The following ZMIZ1 variants were observed in gnomAD, a reference collection of about 807,000 sequenced individuals.
ZMIZ1 encodes zinc finger MIZ-type containing 1.
ZMIZ1 carries 17 observed loss-of-function variants against 113.9 expected under a neutral mutation model. That is an observed-to-expected ratio of 0.15 (90% confidence interval 0.10 to 0.22). The LOEUF (loss-of-function observed/expected upper bound fraction) is 0.22, where lower values mean the gene tolerates loss of function less well. Ranked by LOEUF, ZMIZ1 falls within the 10% of genes least tolerant of loss-of-function variation. The pLI is 1.00. For missense variants in ZMIZ1, 1,059 were observed against 1,477.8 expected (o/e 0.72, Z 4.65); for synonymous variants, 607 against 603.1 (o/e 1.01, Z -0.09).
chr10:79,289,662 G>A (rs1020640364), intron 8 of ZMIZ1, 113 bp from the exon 9 acceptor site: 5 of 937,650 alleles, frequency 5.3e-6, no homozygotes, highest in African/African-American at 1.6e-5. Flanking sequence ...ACTCGGATGG[G>A]GGTTACCTTG....
At chr10:79,182,585 G>A (rs573996654) in intron 4 of ZMIZ1, among the ~76,000 whole-genome samples, 1 of 152,348 alleles carries the variant, frequency 6.6e-6, no homozygotes, top group Admixed American at 6.5e-5. Flanking sequence ...GGTGACCCCA[G>A]TGGATCCAAA....
At position 79,288,162 on chromosome 10, in the gene ZMIZ1, G is replaced by A. The variant is rs138621126; in HGVS notation, c.426-1613G>A. Among the ~76,000 whole-genome samples the A allele has an allele frequency of 1.2e-3, 181 of 152,350 alleles. 2 individuals are homozygous for A. Among genetic ancestry groups the A allele is most frequent in the Middle Eastern group, 3.4e-3 (1 of 294 alleles). ...AGGCTGGTCGCCTCTGCAGGAGCCCGTCAGACTTGACCAGCATTGCCAAGA... is the reference window on the plus strand; with the variant it reads ...AGGCTGGTCGCCTCTGCAGGAGCCCATCAGACTTGACCAGCATTGCCAAGA... On this transcript the variant is annotated intron_variant, in intron 8 of 24. Transcript: ENST00000334512.
intron 1 of ZMIZ1, among the ~76,000 whole-genome samples, chr10:79,076,957 G>A (rs1000467370): frequency 1.3e-5 from 2 of 152,160 alleles, no homozygotes; most frequent in African/African-American, 4.8e-5. Flanking sequence ...CTCCCCTCCA[G>A]CCAGCCCTCC....
Position 79,277,164 on chromosome 10 carries a change from T to C in ZMIZ1, c.281-17T>C, listed in dbSNP as rs77524869. 55,606 of 1,516,122 alleles carry C rather than the reference T, an allele frequency of 0.037. 1,130 individuals are homozygous for C. Among genetic ancestry groups the C allele is most frequent in the Middle Eastern group, 0.054 (246 of 4,578 alleles). The allele number at this position is 1,516,122 out of a possible 1,614,324, so 93.9% of individuals were successfully genotyped here. On this transcript the variant is annotated splice_polypyrimidine_tract_variant and intron_variant, in intron 7 of 24. Coordinates refer to ENST00000334512, the MANE Select transcript of ZMIZ1 (RefSeq NM_020338.4). Reference sequence around the variant, plus strand: ...ATGATGAACAAGCACCCACTGACTGTCCTGTCCTTCCTGCAGCCTTGTTGT... The same window carrying C: ...ATGATGAACAAGCACCCACTGACTGCCCTGTCCTTCCTGCAGCCTTGTTGT...
At chr10:79,258,325 A>G (rs1368657137) in intron 7 of ZMIZ1, among the ~76,000 whole-genome samples, 1 of 152,220 alleles carries the variant, frequency 6.6e-6, no homozygotes, top group Non-Finnish European at 1.5e-5. Flanking sequence ...TCGAGGCTGC[A>G]GTGAACCATG....
At chr10:79,174,914 G>A (rs1394263606) in intron 4 of ZMIZ1, among the ~76,000 whole-genome samples, 1 of 152,218 alleles carries the variant, frequency 6.6e-6, no homozygotes, top group East Asian at 1.9e-4. Flanking sequence ...AGCATCCCCA[G>A]GTGACACCTG....
At chr10:79,217,975 G>A (rs764351974) in intron 7 of ZMIZ1, among the ~76,000 whole-genome samples, 6 of 152,222 alleles carry the variant, frequency 3.9e-5, no homozygotes, top group East Asian at 1.9e-4. Flanking sequence ...TTAAGTGCCC[G>A]TTCTGTGCAG....
intron 7 of ZMIZ1, among the ~76,000 whole-genome samples, chr10:79,252,996 T>C (rs1204525306): frequency 6.6e-6 from 1 of 152,222 alleles, no homozygotes; most frequent in Non-Finnish European, 1.5e-5. Context: ...GGGTTCTCTC[T>C]GGTCCAGGCA....
chr10:79,253,883 CACACACACATGCTG>C (rs1288773183), intron 7 of ZMIZ1, among the ~76,000 whole-genome samples: 1 of 152,190 alleles, frequency 6.6e-6, no homozygotes, highest in African/African-American at 2.4e-5. Context: ...CATGCACACA[CACACACACATGCTG>C]ACACGCACAC....
Position 79,314,299 on chromosome 10 carries a change from T to C in ZMIZ1, c.*1550T>C, listed in dbSNP as rs1286214873. 2 of 455,498 alleles carry C rather than the reference T, an allele frequency of 4.4e-6. No individual in the cohort carries two copies. The highest frequency in any genetic ancestry group is 1.5e-5 in the South Asian group (1 of 64,558). The allele number at this position is 455,498 out of a possible 1,614,324, so 28.2% of individuals were successfully genotyped here. A position where few individuals can be genotyped will look rare whatever the true frequency, so the allele number is the denominator to read the frequency against. On this transcript the variant is annotated 3_prime_UTR_variant, in exon 25 of 25. Coordinates refer to ENST00000334512, the MANE Select transcript of ZMIZ1 (RefSeq NM_020338.4). The stretch of plus-strand genomic sequence containing the variant: ...TCACTGGGGTCCCATCTGTAAATTC[T>C]TTGCGCCCTTCCCGGCTGCTGCCTG...
chr10:79,083,855 C>G (rs1842731525), intron 1 of ZMIZ1, among the ~76,000 whole-genome samples: 1 of 152,192 alleles, frequency 6.6e-6, no homozygotes, highest in Non-Finnish European at 1.5e-5. Flanking sequence ...GAGTCTGAGC[C>G]CTTCTCCTTT....
At chr10:79,163,442 G>A (rs943843644) in intron 4 of ZMIZ1, among the ~76,000 whole-genome samples, 3 of 152,278 alleles carry the variant, frequency 2.0e-5, no homozygotes, top group Non-Finnish European at 1.5e-5. Flanking sequence ...CAGAGCTGCT[G>A]TGAGGATGCT....
intron 1 of ZMIZ1, among the ~76,000 whole-genome samples, chr10:79,078,716 TG>T (rs1206840629): frequency 1.6e-5 from 2 of 121,270 alleles, no homozygotes; most frequent in African/African-American, 6.3e-5. Flanking sequence ...AGCTAATTTT[TG>T]TATTTTTTTT....
intron 8 of ZMIZ1, chr10:79,285,553 C>A: frequency 2.2e-6 from 1 of 456,144 alleles, no homozygotes; most frequent in Non-Finnish European, 4.4e-6. Context: ...TGGCCACAGA[C>A]ACACTGTGTA....
intron 3 of ZMIZ1, among the ~76,000 whole-genome samples, chr10:79,158,766 A>G (rs1193198433): frequency 6.6e-6 from 1 of 151,966 alleles, no homozygotes; most frequent in African/African-American, 2.4e-5. Context: ...GATGGGGGGA[A>G]CCCCTCTTAG....
chr10:79,280,922 G>A (rs758309344), intron 8 of ZMIZ1, among the ~76,000 whole-genome samples: 10 of 152,106 alleles, frequency 6.6e-5, no homozygotes, highest in East Asian at 1.9e-4. Flanking sequence ...AGTTGCCCTC[G>A]GGAAGCTTTA....
intron 7 of ZMIZ1, among the ~76,000 whole-genome samples, chr10:79,231,832 C>T (rs1448028887): frequency 6.6e-6 from 1 of 152,242 alleles, no homozygotes; most frequent in African/African-American, 2.4e-5. Flanking sequence ...CCTGCCTCAG[C>T]CTCCCAAAGT....
At chr10:79,092,560 C>T (rs1843016404) in intron 1 of ZMIZ1, among the ~76,000 whole-genome samples, 1 of 152,262 alleles carries the variant, frequency 6.6e-6, no homozygotes, top group Non-Finnish European at 1.5e-5. Context: ...TACCTGTTGT[C>T]ACAGTAGCAT....
intron 1 of ZMIZ1, among the ~76,000 whole-genome samples, chr10:79,114,529 G>GTGTGTGTA: frequency 6.8e-6 from 1 of 146,218 alleles, no homozygotes; most frequent in African/African-American, 2.5e-5. Flanking sequence ...GTGTGTGTGT[G>GTGTGTGTA]TGTGTGTGTG....
Sources: allele counts gnomAD v4.1 joint callset (sites outside exome capture counted in the v4.1 genomes callset), GRCh38; gene constraint gnomAD v4.1.1; transcripts MANE v1.5; gene names NCBI Gene and HGNC (gene_info 2026-07-23, HGNC 2026-07-21).